Variants in CLSTN2 observed in about 807,000 individuals in gnomAD.
CLSTN2 encodes calsyntenin-2.
In CLSTN2, 48 loss-of-function variants were observed where a neutral mutation model predicts 101.2. The observed-to-expected ratio is 0.47, with a 90% CI of 0.38 to 0.60. CLSTN2 has a LOEUF of 0.60. Among genes scored for constraint, CLSTN2 ranks in the 20% least tolerant of loss-of-function variants. CLSTN2 has a pLI of 0.00. For synonymous variants in CLSTN2, 481 were observed against 463.6 expected (o/e 1.04, Z -0.48); for missense variants, 1,160 against 1,238.2 (o/e 0.94, Z 0.95).
intron 1 of CLSTN2, among the ~76,000 whole-genome samples, chr3:140,137,629 G>T (rs999327448): frequency 2.6e-5 from 4 of 152,162 alleles, no homozygotes; most frequent in Non-Finnish European, 5.9e-5. Context: ...GTTTGGCATT[G>T]CATACTTACA....
chr3:140,106,007 A>G (rs985550029), intron 1 of CLSTN2, among the ~76,000 whole-genome samples: 11 of 152,176 alleles, frequency 7.2e-5, no homozygotes, highest in South Asian at 2.1e-4. Flanking sequence ...GAACGTGGTA[A>G]CTTCCCTAGG....
intron 4 of CLSTN2, among the ~76,000 whole-genome samples, chr3:140,418,517 CTTT>C (rs35463586): frequency 7.3e-5 from 3 of 41,302 alleles, no homozygotes; most frequent in Admixed American, 4.1e-4. Flanking sequence ...TTCTTTCTTT[CTTT>C]TTTTTTTTTT....
chr3:140,394,452 T>C (rs1176934914), intron 2 of CLSTN2, among the ~76,000 whole-genome samples: 1 of 152,158 alleles, frequency 6.6e-6, no homozygotes, highest in Non-Finnish European at 1.5e-5. Flanking sequence ...GCAGAATCAG[T>C]TTCAGGAGCT....
chr3:140,458,393 A>C (rs1280429683), intron 6 of CLSTN2, among the ~76,000 whole-genome samples: 1 of 152,100 alleles, frequency 6.6e-6, no homozygotes, highest in African/African-American at 2.4e-5. Context: ...TTAGACTCCC[A>C]TTATTTGAAA....
chr3:139,961,614 C>G (rs1935512865), intron 1 of CLSTN2, among the ~76,000 whole-genome samples: 6 of 152,136 alleles, frequency 3.9e-5, no homozygotes, highest in Admixed American at 3.9e-4. Flanking sequence ...GAAGACATTT[C>G]TACATTTTCA....
chr3:140,415,486 C>CAAAAAAAAAAAAAAAAAA (rs751616049), intron 4 of CLSTN2, among the ~76,000 whole-genome samples: 291 of 56,820 alleles, frequency 5.1e-3, no homozygotes, highest in Non-Finnish European at 6.2e-3. Context: ...CACAAAATAG[C>CAAAAAAAAAAAAAAAAAA]AAAAAAAAAA....
At chr3:140,282,250 G>A (rs1196867644) in intron 2 of CLSTN2, among the ~76,000 whole-genome samples, 1 of 152,148 alleles carries the variant, frequency 6.6e-6, no homozygotes, top group Admixed American at 6.5e-5. Flanking sequence ...CAACTTCTCA[G>A]GGAGGCACAA....
intron 2 of CLSTN2, among the ~76,000 whole-genome samples, chr3:140,291,157 A>G (rs1564398): frequency 0.99 from 151,145 of 152,240 alleles, 75,036 homozygotes; most frequent in Middle Eastern, 1. Context: ...ATTAAAAAGT[A>G]GACATGGATC....
intron 1 of CLSTN2, among the ~76,000 whole-genome samples, chr3:140,125,817 G>A (rs757014720): frequency 7.9e-5 from 12 of 152,016 alleles, no homozygotes; most frequent in Non-Finnish European, 1.6e-4. Context: ...AGAGAAGGAA[G>A]GAGAAAGAGC....
intron 2 of CLSTN2, among the ~76,000 whole-genome samples, chr3:140,362,886 G>A (rs930273651): frequency 1.3e-5 from 2 of 152,038 alleles, no homozygotes; most frequent in Admixed American, 6.6e-5. Context: ...GGGTGGAAGA[G>A]TAAAATCATG....
intron 2 of CLSTN2, among the ~76,000 whole-genome samples, chr3:140,269,205 T>C (rs886580811): frequency 2.6e-5 from 4 of 152,210 alleles, no homozygotes; most frequent in African/African-American, 9.6e-5. Flanking sequence ...ATAGTATCCT[T>C]TGGGTGGTAC....
At chr3:140,331,212 C>G (rs1172981759) in intron 2 of CLSTN2, among the ~76,000 whole-genome samples, 1 of 152,094 alleles carries the variant, frequency 6.6e-6, no homozygotes, top group African/African-American at 2.4e-5. Flanking sequence ...GGCAGAAGGA[C>G]AGGAAGCAAG....
intron 1 of CLSTN2, among the ~76,000 whole-genome samples, chr3:140,145,299 A>G (rs2009764519): frequency 6.6e-6 from 1 of 152,188 alleles, no homozygotes; most frequent in Non-Finnish European, 1.5e-5. Flanking sequence ...CCCCAGGGAA[A>G]TCCATAACAT....
At chr3:140,322,818 A>G (rs931865719) in intron 2 of CLSTN2, among the ~76,000 whole-genome samples, 3 of 152,158 alleles carry the variant, frequency 2.0e-5, no homozygotes, top group African/African-American at 7.2e-5. Flanking sequence ...TAAATCTCCT[A>G]TTTGCAAACC....
intron 2 of CLSTN2, among the ~76,000 whole-genome samples, chr3:140,251,118 A>G (rs181839383): frequency 3.3e-5 from 5 of 152,266 alleles, no homozygotes; most frequent in African/African-American, 1.2e-4. Flanking sequence ...CCAGAATCAC[A>G]TCTTCTCTGG....
chr3:140,162,158 C>T (rs563159313), intron 1 of CLSTN2, among the ~76,000 whole-genome samples: 4 of 152,096 alleles, frequency 2.6e-5, no homozygotes, highest in African/African-American at 4.8e-5. Context: ...GCAAAGAAAG[C>T]AAATACTATC....
At chr3:140,046,346 T>C (rs1186233721) in intron 1 of CLSTN2, among the ~76,000 whole-genome samples, 2 of 152,224 alleles carry the variant, frequency 1.3e-5, no homozygotes, top group African/African-American at 2.4e-5. Context: ...CCCTGCCTTT[T>C]TTTGTTTTCC....
At chr3:140,421,295 T>C (rs1467461823) in intron 5 of CLSTN2, 21 bp downstream of exon 5, 1 of 1,613,724 alleles carries the variant, frequency 6.2e-7, no homozygotes, top group Non-Finnish European at 8.5e-7. Context: ...TTTATCAGTC[T>C]TGTGTGAAGG....
chr3:140,405,880 A>G (rs1445525708), intron 4 of CLSTN2, among the ~76,000 whole-genome samples: 3 of 152,218 alleles, frequency 2.0e-5, no homozygotes. Context: ...AGATTTAAGT[A>G]GCACACAAAG....
Sources: gnomAD v4.1 joint callset for allele counts (sites outside exome capture counted in the v4.1 genomes callset) on GRCh38, gnomAD v4.1.1 for gene constraint, MANE v1.5 for transcripts, NCBI Gene and HGNC (gene_info 2026-07-23, HGNC 2026-07-21) for gene names.